The following RFTN1 variants were observed in gnomAD, a reference collection of about 807,000 sequenced individuals.
RFTN1 encodes raftlin.
A neutral mutation model predicts 46.5 loss-of-function variants in RFTN1; 26 were observed. The ratio of observed to expected loss-of-function variants is 0.56; its 90% CI spans 0.41 to 0.78. The LOEUF (loss-of-function observed/expected upper bound fraction) is 0.78. Among genes scored for constraint, RFTN1 ranks in the 30% least tolerant of loss-of-function variants. The pLI, the probability that RFTN1 is intolerant of heterozygous loss-of-function variation, is 0.00. For missense variants in RFTN1, 693 were observed against 718.7 expected, an observed-to-expected ratio of 0.96 and a Z score of 0.41; for synonymous variants, 261 against 284.2, an observed-to-expected ratio of 0.92 and a Z score of 0.82.
chr3:16,477,403 T>A (rs1482241715), intron 2 of RFTN1, among the ~76,000 whole-genome samples: 1 of 152,168 alleles, frequency 6.6e-6, no homozygotes, highest in Admixed American at 6.5e-5. Flanking sequence ...CACAAGAAAC[T>A]TTCACAAGTT....
chr3:16,370,194 G>C lies in RFTN1; in HGVS notation c.912C>G (p.Val304=). ...CGCTCACTGTCTGGCCATTCTTGGA[G>C]ACATGGAGAGGAATGGTGACAGGGT... ...QYYPVTIPLH[V]SKNGQTVSGL... The change falls in exon 6 of 10, where the codon GTC becomes GTG. Residue 304 remains valine, a synonymous_variant. Coordinates refer to ENST00000334133, the MANE Select transcript of RFTN1 (RefSeq NM_015150.2). The surrounding 1 kb of genome is among the most constrained non-coding windows in gnomAD (Gnocchi z 5.5). The C allele has an allele frequency of 6.2e-7, 1 of 1,614,234 alleles. No individual in the cohort carries two copies. Among genetic ancestry groups the C allele is most frequent in the Non-Finnish European group, 8.5e-7 (1 of 1,180,040 alleles).
rs955730193 is a variant in RFTN1, at chr3:16,322,137, G to A, written c.1332+1239C>T. 6.6e-6 allele frequency among the ~76,000 whole-genome samples: 1 copy of A among 152,240 alleles called. No individual in the cohort carries two copies. Among genetic ancestry groups the A allele is most frequent in the Admixed American group, 6.5e-5 (1 of 15,284 alleles). On this transcript the variant is annotated intron_variant, in intron 9 of 9. Transcript: ENST00000334133. This position sits in a 1 kb window ranked among gnomAD's most constrained non-coding sequence, Gnocchi z 6.2. ...GCTGAGCTGAAACTGACAGCGCTCT[G>A]CAGCCGATCCATCTTCCAGCTGGTG...
intron 2 of RFTN1, among the ~76,000 whole-genome samples, chr3:16,470,020 T>C (rs930284162): frequency 6.6e-6 from 1 of 151,920 alleles, no homozygotes; most frequent in Non-Finnish European, 1.5e-5. Flanking sequence ...GAAGTGAAAA[T>C]TGAACCTAGA....
At chr3:16,406,591 G>C (rs919200390) in intron 4 of RFTN1, among the ~76,000 whole-genome samples, 1 of 152,180 alleles carries the variant, frequency 6.6e-6, no homozygotes, top group South Asian at 2.1e-4. Context: ...TGTATGACAG[G>C]AACAGGATGA....
At chr3:16,416,118 C>A in intron 3 of RFTN1, 1 of 447,582 alleles carries the variant, frequency 2.2e-6, no homozygotes, top group Non-Finnish European at 4.5e-6. Flanking sequence ...TTACACAGAG[C>A]ACTGGAGATT....
chr3:16,494,260 T>C (rs2076589340), intron 1 of RFTN1, among the ~76,000 whole-genome samples: 1 of 152,168 alleles, frequency 6.6e-6, no homozygotes, highest in Non-Finnish European at 1.5e-5. Context: ...TGTCAGCCCA[T>C]CTATAAAAAA....
rs1057490805 is a variant in RFTN1, at chr3:16,323,413, G to A, written c.1295C>T (p.Pro432Leu). The A allele has an allele frequency of 8.1e-6, 13 of 1,611,912 alleles. No homozygotes were observed. The highest frequency in any genetic ancestry group is 1.7e-5 in the Admixed American group (1 of 60,002). The change falls in exon 9 of 10, where the codon CCT becomes CTT. Residue 432 changes from proline (P) to leucine (L), a missense_variant. Transcript: ENST00000334133. ...CTTCTTGATTTTCTGAGGTAGACAA[G>A]GTCTCTGAAGAAAGACAATCTGCTT... ...STKQIVFLQRPCLPQKIKKKE... is the reference protein window; with the variant it reads ...STKQIVFLQRLCLPQKIKKKE...
At chr3:16,355,148 T>C (rs1025661968) in intron 7 of RFTN1, among the ~76,000 whole-genome samples, 1 of 152,184 alleles carries the variant, frequency 6.6e-6, no homozygotes, top group Non-Finnish European at 1.5e-5. Flanking sequence ...TAACACTCCA[T>C]TCACAGAAAT....
intron 1 of RFTN1, among the ~76,000 whole-genome samples, chr3:16,510,040 A>G (rs1204788990): frequency 6.6e-6 from 1 of 152,216 alleles, no homozygotes; most frequent in Non-Finnish European, 1.5e-5. Context: ...TTGGCACCAC[A>G]GAGAGGGACT....
At chr3:16,364,257 G>A (rs1667431566) in intron 6 of RFTN1, among the ~76,000 whole-genome samples, 2 of 152,236 alleles carry the variant, frequency 1.3e-5, no homozygotes, top group South Asian at 4.1e-4. Flanking sequence ...GCCAGATGCA[G>A]TTCAAGGCTT....
At chr3:16,493,922 A>G in intron 1 of RFTN1, 45 bp from the exon 2 acceptor site, 2 of 1,610,102 alleles carry the variant, frequency 1.2e-6, no homozygotes, top group Non-Finnish European at 1.7e-6. Flanking sequence ...TTTTTCTGAG[A>G]TTTTGTCTTT....
At chr3:16,394,723 A>G (rs1358418689) in intron 4 of RFTN1, among the ~76,000 whole-genome samples, 1 of 127,954 alleles carries the variant, frequency 7.8e-6, no homozygotes, top group Non-Finnish European at 1.6e-5. Flanking sequence ...TTTCAATAAA[A>G]AGAGGTGTTT....
At position 16,379,471 on chromosome 3, in the gene RFTN1, T is replaced by TATC. The variant is rs2073906747; in HGVS notation, c.442-1372_442-1370dup. Reference sequence around the variant, plus strand: ...TTCATCCTTCAATGATGCTGCATGGTATCATTGTCTCCATTTCAGATGAGG... The same window carrying TATC: ...TTCATCCTTCAATGATGCTGCATGGTATCATCATTGTCTCCATTTCAGATGAGG... On this transcript the variant is annotated intron_variant, in intron 4 of 9. Transcript: ENST00000334133. 2.0e-5 allele frequency among the ~76,000 whole-genome samples: 3 copies of TATC among 152,368 alleles called. No homozygotes were observed. In the South Asian group the frequency reaches 6.2e-4, roughly 32 times the overall value.
In RFTN1 at chr3:16,475,345, C is replaced by T. The variant is rs1421824022; in HGVS notation, c.145+18380G>A. On this transcript the variant is annotated intron_variant, in intron 2 of 9. Transcript: ENST00000334133. The surrounding 1 kb of genome is among the most constrained non-coding windows in gnomAD (Gnocchi z 4.2). ...TATGTTTAGAGTTTTGCTTACCAGC[C>T]CCACAATTTTTGAATCTGCAGATTT... Among the ~76,000 whole-genome samples the T allele has an allele frequency of 6.6e-6, 1 of 152,184 alleles. No individual in the cohort carries two copies. Among genetic ancestry groups the T allele is most frequent in the East Asian group, 1.9e-4 (1 of 5,204 alleles).
At chr3:16,439,987 G>T (rs1411871178) in intron 2 of RFTN1, among the ~76,000 whole-genome samples, 3 of 152,176 alleles carry the variant, frequency 2.0e-5, no homozygotes, top group African/African-American at 7.2e-5. Flanking sequence ...CCTTTGACCA[G>T]GAGCTGACTC....
Position 16,401,628 on chromosome 3 carries a change from T to C in RFTN1, c.441+7747A>G, listed in dbSNP as rs1220085899. Among the ~76,000 whole-genome samples, 4 of 152,220 alleles carry C rather than the reference T, an allele frequency of 2.6e-5. No homozygotes were observed. The East Asian group carries it at 5.8e-4, about 22-fold the overall frequency. ...CTCTACCTTGGAAAAGTGCTATTTT[T>C]CTTTCTCTGGATTTTACCAAAGTAT... On this transcript the variant is annotated intron_variant, in intron 4 of 9. Coordinates refer to ENST00000334133, the MANE Select transcript of RFTN1 (RefSeq NM_015150.2).
At chr3:16,502,028 G>A (rs1056246640) in intron 1 of RFTN1, among the ~76,000 whole-genome samples, 2 of 152,144 alleles carry the variant, frequency 1.3e-5, no homozygotes, top group African/African-American at 4.8e-5. Context: ...CCTGTTAGCA[G>A]AACTTTTTTC....
At chr3:16,403,209 T>C (rs974118314) in intron 4 of RFTN1, among the ~76,000 whole-genome samples, 3 of 152,074 alleles carry the variant, frequency 2.0e-5, no homozygotes, top group Non-Finnish European at 2.9e-5. Flanking sequence ...CCTCCACCTC[T>C]GTCCAGAAAG....
intron 4 of RFTN1, among the ~76,000 whole-genome samples, chr3:16,396,883 C>T (rs1052721943): frequency 6.6e-6 from 1 of 151,866 alleles, no homozygotes; most frequent in African/African-American, 2.4e-5. Flanking sequence ...GCCAACATGG[C>T]GAAATCCCGT....
Sources: gnomAD v4.1 joint callset for allele counts (sites outside exome capture counted in the v4.1 genomes callset) on GRCh38, gnomAD v4.1.1 for gene constraint, Gnocchi (gnomAD v3.1) non-coding constraint, MANE v1.5 for transcripts, NCBI Gene and HGNC (gene_info 2026-07-23, HGNC 2026-07-21) for gene names.